TSPAN11: variants seen among roughly 807,000 people sequenced by gnomAD.
TSPAN11 encodes tetraspanin-11.
Under a neutral mutation model 32.9 loss-of-function variants are expected in TSPAN11, and 29 were observed. The ratio of observed to expected loss-of-function variants is 0.88; its 90% confidence interval spans 0.66 to 1.20. The LOEUF (loss-of-function observed/expected upper bound fraction) is 1.20. TSPAN11 is among the 50% of genes most tolerant of loss of function. TSPAN11 has a pLI of 0.00. For synonymous variants in TSPAN11, 140 were observed against 141.3 expected, an observed-to-expected ratio of 0.99 and a Z score of 0.07; for missense variants, 283 against 329.1, an observed-to-expected ratio of 0.86 and a Z score of 1.08.
chr12:30,991,943 C>T lies in TSPAN11; in HGVS notation c.*28C>T. On this transcript the variant is annotated 3_prime_UTR_variant, in exon 8 of 8. Transcript: ENST00000546076. ...GCCAACCACCTCCTCTTCCAACTGC[C>T]CCTCAAGACAACATGTGGCCACATG... The T allele has an allele frequency of 1.9e-6, 3 of 1,613,862 alleles. No individual in the cohort carries two copies. In the African/African-American group the frequency reaches 4.0e-5, roughly 22 times the overall value.
chr12:31,012,621 G>C, the TSPAN11 span: 2 of 152,072 alleles, frequency 1.3e-5, no homozygotes, highest in Admixed American at 1.3e-4. Flanking sequence ...GGATATCCTT[G>C]GCTTCTCAGA....
At chr12:30,955,185 T>C (rs1938455486) in intron 2 of TSPAN11, 1 of 152,220 alleles carries the variant, frequency 6.6e-6, no homozygotes, top group Non-Finnish European at 1.5e-5. Context: ...TGTTAAAAAG[T>C]TGTGCGATCT....
downstream of TSPAN11, chr12:30,997,488 G>T: frequency 6.5e-6 from 1 of 152,826 alleles, no homozygotes; most frequent in South Asian, 2.0e-4. Flanking sequence ...AAAGGCGAAG[G>T]GGAAGCAGGC....
At chr12:31,009,567 C>T in the TSPAN11 span, among the ~76,000 whole-genome samples, 12 of 152,162 alleles carry the variant, frequency 7.9e-5, no homozygotes, top group African/African-American at 1.2e-4. Context: ...GACACGTTTT[C>T]AGCCCGGCAA....
At chr12:31,008,779 T>C in the TSPAN11 span, among the ~76,000 whole-genome samples, 4 of 152,224 alleles carry the variant, frequency 2.6e-5, no homozygotes, top group South Asian at 2.1e-4. Context: ...GTGACTGAGA[T>C]GAGAAGTCAT....
chr12:30,956,187 A>G (rs947103112), intron 2 of TSPAN11, among the ~76,000 whole-genome samples: 2 of 152,232 alleles, frequency 1.3e-5, no homozygotes, highest in African/African-American at 4.8e-5. Context: ...AGAGCTCTTC[A>G]TTGTAAACAA....
Position 30,983,163 on chromosome 12 carries a change from G to A in TSPAN11, c.702+13G>A, listed in dbSNP as rs747394735. On this transcript the variant is annotated intron_variant, in intron 7 of 7. Coordinates refer to ENST00000546076, the MANE Select transcript of TSPAN11 (RefSeq NM_001370302.1). ...GGCCTGCCTGCAGGTGAGTTGCAGT[G>A]CGGGGACTGGTGGGGGTGGAAGGGC... 39 of 1,607,182 alleles carry A rather than the reference G, an allele frequency of 2.4e-5. No homozygotes were observed. The highest frequency in any genetic ancestry group is 3.1e-5 in the Non-Finnish European group (36 of 1,177,686).
At chr12:30,988,286 TAG>T (rs1939241244) in intron 7 of TSPAN11, among the ~76,000 whole-genome samples, 1 of 152,032 alleles carries the variant, frequency 6.6e-6, no homozygotes, top group Non-Finnish European at 1.5e-5. Flanking sequence ...CATGCTAGAG[TAG>T]AGTTGTTTAA....
At chr12:30,985,107 G>T (rs1051918326) in intron 7 of TSPAN11, among the ~76,000 whole-genome samples, 2 of 152,094 alleles carry the variant, frequency 1.3e-5, no homozygotes, top group Admixed American at 6.5e-5. Flanking sequence ...GGCCTGGAAG[G>T]TCTAGCTGCA....
chr12:30,968,266 G>A (rs1197991266), intron 3 of TSPAN11, among the ~76,000 whole-genome samples: 5 of 152,194 alleles, frequency 3.3e-5, no homozygotes, highest in African/African-American at 1.2e-4. Context: ...ACCTTGGATC[G>A]GGAGTAGCAG....
chr12:30,945,665 GC>G (rs949016952), intron 1 of TSPAN11, among the ~76,000 whole-genome samples: 1 of 151,912 alleles, frequency 6.6e-6, no homozygotes, highest in Non-Finnish European at 1.5e-5. Flanking sequence ...CGGTGCTTGA[GC>G]CTCATTCACT....
chr12:30,958,026 C>G (rs915091643), intron 2 of TSPAN11, among the ~76,000 whole-genome samples: 2 of 151,824 alleles, frequency 1.3e-5, no homozygotes, highest in Admixed American at 6.6e-5. Flanking sequence ...CGTGCAAGAC[C>G]TGGAGTTGGT....
intron 3 of TSPAN11, among the ~76,000 whole-genome samples, chr12:30,977,741 G>A (rs1939005169): frequency 6.6e-6 from 1 of 152,114 alleles, no homozygotes; most frequent in Non-Finnish European, 1.5e-5. Context: ...CAAGCCAGGT[G>A]GGAGTGAGAA....
Position 30,962,263 on chromosome 12 carries a change from G to T in TSPAN11, c.85-1563G>T, listed in dbSNP as rs147349686. On this transcript the variant is annotated intron_variant, in intron 2 of 7. Transcript: ENST00000546076. ...TCCACCTGGTGGAGGTGCCAATGGA[G>T]ATTAAATGGCACTTTGAAGAAATAG... 2.4e-4 allele frequency among the ~76,000 whole-genome samples: 36 copies of T among 152,336 alleles called. 1 individual carries two copies. The highest frequency in any genetic ancestry group is 8.7e-4 in the African/African-American group (36 of 41,570).
At chr12:30,960,236 A>T (rs1368149649) in intron 2 of TSPAN11, among the ~76,000 whole-genome samples, 1 of 151,768 alleles carries the variant, frequency 6.6e-6, no homozygotes, top group African/African-American at 2.4e-5. Context: ...CAACCCAGAG[A>T]CTTTTCAGTC....
chr12:30,948,890 G>A (rs2044189171), intron 1 of TSPAN11, among the ~76,000 whole-genome samples: 1 of 152,124 alleles, frequency 6.6e-6, no homozygotes, highest in South Asian at 2.1e-4. Context: ...CTTCCCTTAT[G>A]AAACTGAATG....
At chr12:30,982,838 C>A in intron 6 of TSPAN11, 148 bp downstream of exon 6, 1 of 1,274,208 alleles carries the variant, frequency 7.8e-7, no homozygotes. Context: ...CTGGGGCTTT[C>A]CAGAGTCTCT....
At chr12:31,009,118 C>A in the TSPAN11 span, among the ~76,000 whole-genome samples, 30 of 151,492 alleles carry the variant, frequency 2.0e-4, no homozygotes, top group Non-Finnish European at 1.5e-5. Flanking sequence ...CCTGGAGCCT[C>A]CCCGCTCTTC....
chr12:30,996,496 T>C lies in TSPAN11; in HGVS notation c.*4581T>C, dbSNP rs373948920. 4 of 152,238 alleles carry C rather than the reference T, an allele frequency of 2.6e-5. No individual in the cohort carries two copies. The East Asian group carries it at 7.7e-4, about 29-fold the overall frequency. The allele number at this position is 152,238 out of a possible 1,614,324, so 9.4% of individuals were successfully genotyped here. A position where few individuals can be genotyped will look rare whatever the true frequency, so the allele number is the denominator to read the frequency against. The stretch of plus-strand genomic sequence containing the variant: ...CTTAACCTAATGCGCATAGAGAAAT[T>C]GTTCTCATTGTAAACATACCCCTGT... On this transcript the variant is annotated 3_prime_UTR_variant, in exon 8 of 8. Coordinates refer to ENST00000546076, the MANE Select transcript of TSPAN11 (RefSeq NM_001370302.1).
Sources: allele counts gnomAD v4.1 joint callset (sites outside exome capture counted in the v4.1 genomes callset), GRCh38; gene constraint gnomAD v4.1.1; transcripts MANE v1.5; gene names NCBI Gene and HGNC (gene_info 2026-07-23, HGNC 2026-07-21).